ATXN2: variants seen among roughly 807,000 people sequenced by gnomAD.
ATXN2 encodes ataxin-2.
A neutral mutation model predicts 138.6 loss-of-function variants in ATXN2; 37 were observed. The observed-to-expected ratio is 0.27, with a 90% CI of 0.21 to 0.35. ATXN2 has a LOEUF of 0.35. Among genes scored for constraint, ATXN2 ranks in the 10% least tolerant of loss-of-function variants. ATXN2 has a pLI of 1.00. For missense variants in ATXN2, 1,216 were observed against 1,480.3 expected (o/e 0.82, Z 2.93); for synonymous variants, 549 against 543.7 (o/e 1.01, Z -0.13).
intron 5 of ATXN2, among the ~76,000 whole-genome samples, chr12:111,543,307 A>G (rs770822922): frequency 3.3e-5 from 5 of 152,228 alleles, no homozygotes; most frequent in Middle Eastern, 3.2e-3. Context: ...ATCAAGACCA[A>G]AAAGACAACC....
At chr12:111,580,143 T>C (rs957655514) in intron 1 of ATXN2, among the ~76,000 whole-genome samples, 9 of 151,918 alleles carry the variant, frequency 5.9e-5, no homozygotes, top group African/African-American at 2.2e-4. Context: ...AATGCTCCTC[T>C]CTGCAGACAG....
intron 13 of ATXN2, 74 bp from the exon 14 acceptor site, chr12:111,509,693 G>T: frequency 1.0e-6 from 1 of 988,768 alleles, no homozygotes; most frequent in South Asian, 1.6e-5. Flanking sequence ...AGTATGAGAT[G>T]ATAGAAATTA....
chr12:111,562,933 G>A (rs1882782783), intron 1 of ATXN2, among the ~76,000 whole-genome samples: 2 of 152,022 alleles, frequency 1.3e-5, no homozygotes, highest in Admixed American at 1.3e-4. Context: ...TAACTTTATA[G>A]TGAAGAAACT....
intron 21 of ATXN2, among the ~76,000 whole-genome samples, chr12:111,463,554 G>C (rs2135663489): frequency 6.6e-6 from 1 of 152,306 alleles, no homozygotes; most frequent in East Asian, 1.9e-4. Context: ...TGGGATTACA[G>C]GCGTGAGCCA....
intron 5 of ATXN2, among the ~76,000 whole-genome samples, chr12:111,527,528 A>G (rs1880566673): frequency 1.3e-5 from 2 of 152,296 alleles, no homozygotes; most frequent in East Asian, 3.9e-4. Context: ...TCTTATCCCA[A>G]ACTAGGTGTG....
intron 1 of ATXN2, among the ~76,000 whole-genome samples, chr12:111,589,038 G>C (rs1298332962): frequency 8.4e-6 from 1 of 118,484 alleles, no homozygotes; most frequent in Non-Finnish European, 1.8e-5. Context: ...AACCAAACTG[G>C]TCACGGTGGC....
chr12:111,578,614 A>G (rs953862612), intron 1 of ATXN2, among the ~76,000 whole-genome samples: 2 of 152,140 alleles, frequency 1.3e-5, no homozygotes, highest in Admixed American at 1.3e-4. Context: ...ATCACCGAAA[A>G]AATTTCTCAA....
intron 1 of ATXN2, among the ~76,000 whole-genome samples, chr12:111,596,133 GAC>G (rs2135857541): frequency 6.6e-6 from 1 of 152,100 alleles, no homozygotes; most frequent in Admixed American, 6.6e-5. Flanking sequence ...GAACCCAGGA[GAC>G]AGAGACTGCA....
intron 5 of ATXN2, among the ~76,000 whole-genome samples, chr12:111,546,292 C>T (rs1209904911): frequency 2.6e-5 from 4 of 152,080 alleles, no homozygotes; most frequent in African/African-American, 4.8e-5. Context: ...CTAAATGCAG[C>T]GGAAAATATG....
chr12:111,571,416 A>C (rs1289258781), intron 1 of ATXN2, among the ~76,000 whole-genome samples: 1 of 152,206 alleles, frequency 6.6e-6, no homozygotes, highest in Non-Finnish European at 1.5e-5. Flanking sequence ...AGACAAAGTT[A>C]AGTTCTACAG....
At chr12:111,599,377 GGCCGCGCCACC>G, upstream of ATXN2, 2 of 1,161,956 alleles carry the variant, frequency 1.7e-6, no homozygotes, top group Non-Finnish European at 2.1e-6. Flanking sequence ...ACGGTCCCGG[GGCCGCGCCACC>G]GCCGCCCCGC....
At chr12:111,587,745 T>TA (rs1404015692) in intron 1 of ATXN2, among the ~76,000 whole-genome samples, 2 of 152,146 alleles carry the variant, frequency 1.3e-5, no homozygotes, top group Non-Finnish European at 2.9e-5. Context: ...ACCAACATTC[T>TA]AAAGTTCTGA....
intron 1 of ATXN2, among the ~76,000 whole-genome samples, chr12:111,596,205 AACACACACACACAC>A (rs35316415): frequency 3.2e-4 from 46 of 141,846 alleles, no homozygotes; most frequent in South Asian, 6.9e-4. Flanking sequence ...TTCCATCCAA[AACACACACACACAC>A]ACACACACAC....
chr12:111,536,711 G>GT (rs2135762523), intron 5 of ATXN2, among the ~76,000 whole-genome samples: 1 of 150,060 alleles, frequency 6.7e-6, no homozygotes, highest in Non-Finnish European at 1.5e-5. Flanking sequence ...GCAGGTATGT[G>GT]TATGTATGTA....
chr12:111,471,411 C>G (rs1876407714), intron 18 of ATXN2: 1 of 152,332 alleles, frequency 6.6e-6, no homozygotes, highest in Non-Finnish European at 1.5e-5. Flanking sequence ...TTTCCAGTTC[C>G]TCCAGCACGA....
chr12:111,511,837 A>G (rs1251976845), intron 11 of ATXN2: 3 of 152,230 alleles, frequency 2.0e-5, no homozygotes, highest in Non-Finnish European at 4.4e-5. Flanking sequence ...AAGAAAATAA[A>G]AAGTACAAAG....
intron 14 of ATXN2, among the ~76,000 whole-genome samples, chr12:111,496,802 T>G (rs944475548): frequency 2.0e-5 from 3 of 152,030 alleles, no homozygotes; most frequent in Non-Finnish European, 4.4e-5. Flanking sequence ...AAACTTCATC[T>G]GCCAATACAT....
At chr12:111,542,073 T>C (rs184331977) in intron 5 of ATXN2, among the ~76,000 whole-genome samples, 1 of 149,040 alleles carries the variant, frequency 6.7e-6, no homozygotes, top group East Asian at 1.9e-4. Context: ...CGGCCAAAAC[T>C]GAATATATTA....
chr12:111,558,722 A>C (rs1882515020), intron 1 of ATXN2, among the ~76,000 whole-genome samples: 1 of 152,190 alleles, frequency 6.6e-6, no homozygotes, highest in Non-Finnish European at 1.5e-5. Flanking sequence ...ACTTGAGCCC[A>C]GGAGGTCAAG....
Sources: allele counts gnomAD v4.1 joint callset (sites outside exome capture counted in the v4.1 genomes callset), GRCh38; gene constraint gnomAD v4.1.1; transcripts MANE v1.5; gene names NCBI Gene and HGNC (gene_info 2026-07-23, HGNC 2026-07-21).